OSBP2: variants seen among roughly 807,000 people sequenced by gnomAD.
OSBP2 encodes the protein oxysterol-binding protein 2.
OSBP2 carries 66 observed loss-of-function variants against 96.0 expected under a neutral mutation model. That is an observed-to-expected ratio of 0.69 (90% CI 0.56 to 0.84). The LOEUF is 0.84. Ranked by LOEUF, OSBP2 falls within the 40% of genes least tolerant of loss-of-function variation. The pLI, the probability that OSBP2 is intolerant of heterozygous loss-of-function variation, is 0.00. For synonymous variants in OSBP2, 525 were observed against 520.9 expected (o/e 1.01, Z -0.11); for missense variants, 1,038 against 1,222.7 (o/e 0.85, Z 2.25).
At chr22:30,812,747 G>A (rs888433961) in intron 2 of OSBP2, among the ~76,000 whole-genome samples, 1 of 152,190 alleles carries the variant, frequency 6.6e-6, no homozygotes, top group African/African-American at 2.4e-5. Context: ...ATCCAACAGT[G>A]TGTATCATCC....
chr22:30,874,218 C>G (rs910483193), intron 3 of OSBP2, among the ~76,000 whole-genome samples: 4 of 151,456 alleles, frequency 2.6e-5, no homozygotes, highest in African/African-American at 9.7e-5. Context: ...AACTGAACGA[C>G]AGAGTGAGAC....
intron 2 of OSBP2, among the ~76,000 whole-genome samples, chr22:30,858,650 G>A (rs888265841): frequency 4.0e-5 from 6 of 151,182 alleles, no homozygotes; most frequent in East Asian, 4.0e-4. Context: ...AGGCTGAGGC[G>A]GGCAAATCAC....
chr22:30,706,913 C>T (rs552700311), intron 1 of OSBP2, among the ~76,000 whole-genome samples: 1 of 152,280 alleles, frequency 6.6e-6, no homozygotes, highest in East Asian at 1.9e-4. Context: ...AACTGTCCTT[C>T]TTCTGGATGC....
rs544094663 is a variant in OSBP2 at position 30,744,651 on chromosome 22, C to A, written c.853+3282C>A. The stretch of plus-strand genomic sequence containing the variant: ...TGGCGCGTGCCTGTAGTCCCAGCTA[C>A]TTGGGAGGCTGAGGCAGGAGAATCG... On this transcript the variant is annotated intron_variant, in intron 2 of 13. Coordinates refer to ENST00000332585, the MANE Select transcript of OSBP2 (RefSeq NM_030758.4). Among the ~76,000 whole-genome samples, 7 of 152,210 alleles carry A rather than the reference C, an allele frequency of 4.6e-5. No individual in the cohort carries two copies. The East Asian group carries it at 1.4e-3, about 29-fold the overall frequency.
chr22:30,894,238 G>A (rs1203744583), intron 12 of OSBP2: 2 of 473,856 alleles, frequency 4.2e-6, no homozygotes, highest in Non-Finnish European at 7.4e-6. Flanking sequence ...GCCCCTCCCT[G>A]TTCCTCCCTA....
chr22:30,863,448 C>A (rs1024208556), intron 2 of OSBP2, among the ~76,000 whole-genome samples: 1 of 152,288 alleles, frequency 6.6e-6, no homozygotes, highest in Non-Finnish European at 1.5e-5. Context: ...AGAGCCCCCA[C>A]GTGGGGGTGG....
intron 2 of OSBP2, among the ~76,000 whole-genome samples, chr22:30,823,772 A>G (rs139312529): frequency 1.3e-5 from 2 of 152,340 alleles, no homozygotes; most frequent in Non-Finnish European, 2.9e-5. Flanking sequence ...CCATCTTAAG[A>G]GTCCTTTAAG....
At chr22:30,863,608 G>T (rs1403527410) in intron 2 of OSBP2, among the ~76,000 whole-genome samples, 1 of 152,174 alleles carries the variant, frequency 6.6e-6, no homozygotes, top group African/African-American at 2.4e-5. Context: ...TGAGGACAAG[G>T]TCATGGGCTG....
At chr22:30,708,633 C>A (rs558760954) in intron 1 of OSBP2, among the ~76,000 whole-genome samples, 2 of 150,464 alleles carry the variant, frequency 1.3e-5, no homozygotes, top group Non-Finnish European at 3.0e-5. Context: ...GGATTACAGG[C>A]GCCCACCATC....
Position 30,830,885 on chromosome 22 carries a change from CA to C in OSBP2, c.854-39532del, listed in dbSNP as rs136219. 2.0e-3 allele frequency among the ~76,000 whole-genome samples: 305 copies of C among 149,120 alleles called. 1 individual carries two copies. The highest frequency in any genetic ancestry group is 0.01 in the Middle Eastern group (3 of 288). On this transcript the variant is annotated intron_variant, in intron 2 of 13. Coordinates refer to ENST00000332585, the MANE Select transcript of OSBP2 (RefSeq NM_030758.4). Reference sequence around the variant, plus strand: ...ACATCCTTTTAATATCATTGAGATCCAAAAAAAAAAAATGTCATTTTCACAT... The same window carrying C: ...ACATCCTTTTAATATCATTGAGATCCAAAAAAAAAAATGTCATTTTCACAT...
chr22:30,843,323 A>C (rs1028051195), intron 2 of OSBP2, among the ~76,000 whole-genome samples: 2 of 152,022 alleles, frequency 1.3e-5, no homozygotes, highest in Non-Finnish European at 2.9e-5. Context: ...ATTGGTGGCA[A>C]ATTCGTAGAC....
intron 8 of OSBP2, among the ~76,000 whole-genome samples, chr22:30,892,435 G>A (rs962360055): frequency 1.3e-5 from 2 of 152,126 alleles, no homozygotes; most frequent in African/African-American, 4.8e-5. Context: ...GCCTGTCTGA[G>A]GGGAGATGAG....
chr22:30,846,046 A>G (rs1035194064), intron 2 of OSBP2, among the ~76,000 whole-genome samples: 1 of 151,858 alleles, frequency 6.6e-6, no homozygotes, highest in Admixed American at 6.6e-5. Context: ...ATATGTTTTC[A>G]TTTTTCTTGG....
intron 3 of OSBP2, among the ~76,000 whole-genome samples, chr22:30,887,047 G>A (rs1461385405): frequency 6.6e-6 from 1 of 152,170 alleles, no homozygotes; most frequent in African/African-American, 2.4e-5. Context: ...TAAACAAGGG[G>A]TGGATTATTC....
At chr22:30,709,934 G>A (rs2089320638) in intron 1 of OSBP2, among the ~76,000 whole-genome samples, 1 of 151,696 alleles carries the variant, frequency 6.6e-6, no homozygotes, top group Admixed American at 6.6e-5. Context: ...CCGGGCTGGA[G>A]TGCAGTGGTG....
intron 5 of OSBP2, 29 bp downstream of exon 5, chr22:30,888,369 C>T (rs1240104852): frequency 1.2e-5 from 16 of 1,331,168 alleles, no homozygotes; most frequent in African/African-American, 1.0e-4. Context: ...GGCAGAGCCT[C>T]CCCCACCCTG....
intron 3 of OSBP2, among the ~76,000 whole-genome samples, chr22:30,874,531 A>AGT (rs2039535253): frequency 6.8e-6 from 1 of 148,084 alleles, no homozygotes; most frequent in African/African-American, 2.5e-5. Flanking sequence ...GCAGGGAGGG[A>AGT]GGGGGGTCCT....
At chr22:30,854,861 A>G (rs2039049454) in intron 2 of OSBP2, among the ~76,000 whole-genome samples, 1 of 152,228 alleles carries the variant, frequency 6.6e-6, no homozygotes, top group Admixed American at 6.5e-5. Flanking sequence ...GTTGACTCAC[A>G]GTTCAGCATG....
At chr22:30,863,379 G>A (rs1329406315) in intron 2 of OSBP2, among the ~76,000 whole-genome samples, 1 of 152,164 alleles carries the variant, frequency 6.6e-6, no homozygotes, top group East Asian at 1.9e-4. Flanking sequence ...TCTGGCGAGG[G>A]TGCAGCGCCC....
Sources: gnomAD v4.1 joint callset for allele counts (sites outside exome capture counted in the v4.1 genomes callset) on GRCh38, gnomAD v4.1.1 for gene constraint, MANE v1.5 for transcripts, NCBI Gene and HGNC (gene_info 2026-07-23, HGNC 2026-07-21) for gene names.